ETFB: variants seen among roughly 807,000 people sequenced by gnomAD.
ETFB encodes electron transfer flavoprotein subunit beta.
In ETFB, 20 loss-of-function variants were observed where a neutral mutation model predicts 25.6. The observed-to-expected ratio is 0.78, with a 90% CI of 0.55 to 1.14. The LOEUF is 1.14. Among genes scored for constraint, ETFB ranks in the 50% most tolerant of loss-of-function variants. The pLI, the probability that ETFB is intolerant of heterozygous loss-of-function variation, is 0.00. For missense variants in ETFB, 286 were observed against 342.6 expected (o/e 0.83, Z 1.30); for synonymous variants, 142 against 146.7 (o/e 0.97, Z 0.23).
At chr19:51,355,176 T>C (rs1173114579) in intron 1 of ETFB, 1 of 155,572 alleles carries the variant, frequency 6.4e-6, no homozygotes, top group Non-Finnish European at 1.4e-5. Flanking sequence ...TGGGAGAAAA[T>C]TTTTGCAGCC....
At chr19:51,356,742 A>T (rs369540810) in intron 1 of ETFB, 8 of 152,096 alleles carry the variant, frequency 5.3e-5, no homozygotes, top group East Asian at 3.9e-4. Flanking sequence ...GGTGGCTTAG[A>T]ATCTTACAGC....
chr19:51,352,307 C>CA (rs554308854), intron 3 of ETFB, among the ~76,000 whole-genome samples: 1 of 152,288 alleles, frequency 6.6e-6, no homozygotes, highest in African/African-American at 2.4e-5. Flanking sequence ...CCAAAATTCT[C>CA]AAGTCTTTGT....
chr19:51,353,016 G>T (rs1985965992), intron 3 of ETFB, 116 bp downstream of exon 3: 1 of 1,284,684 alleles, frequency 7.8e-7, no homozygotes, highest in Non-Finnish European at 1.1e-6. Context: ...AAGCTGCTCA[G>T]CCTGGAGTGG....
chr19:51,361,982 G>A (rs1026075336), intron 1 of ETFB, among the ~76,000 whole-genome samples: 9 of 151,992 alleles, frequency 5.9e-5, no homozygotes, highest in African/African-American at 1.9e-4. Context: ...GTTTACAGGC[G>A]TGAGCCACCA....
rs1428088327 is a variant in ETFB, at chr19:51,345,333, C to CA, written c.645dup (p.Val216CysfsTer28). The CA allele has an allele frequency of 3.1e-6, 5 of 1,613,976 alleles. No individual in the cohort carries two copies. Among genetic ancestry groups the CA allele is most frequent in the Non-Finnish European group, 2.5e-6 (3 of 1,180,026 alleles). On this transcript the variant is annotated frameshift_variant, in exon 6 of 6. Transcript: ENST00000309244. LOFTEE classifies it high-confidence loss of function. ...ACAGAGAGCTTGGAGGTCAGGTCCA[C>CA]ACCCAGGTCCCCAGGCTTGATCACC...
intron 3 of ETFB, among the ~76,000 whole-genome samples, chr19:51,351,177 T>C (rs968608715): frequency 1.3e-5 from 2 of 152,146 alleles, no homozygotes; most frequent in African/African-American, 4.8e-5. Context: ...AGCCCAGTGA[T>C]TGGTTCAGGG....
At chr19:51,356,767 G>T (rs1228415411) in intron 1 of ETFB, 2 of 152,234 alleles carry the variant, frequency 1.3e-5, no homozygotes, top group Non-Finnish European at 2.9e-5. Flanking sequence ...GAGGCCAGAA[G>T]TCCAAAGTCA....
intron 4 of ETFB, among the ~76,000 whole-genome samples, chr19:51,349,431 T>G (rs1456519565): frequency 6.6e-6 from 1 of 150,570 alleles, no homozygotes; most frequent in Non-Finnish European, 1.5e-5. Flanking sequence ...TTTAAATTTG[T>G]CTATGTGCCT....
intron 5 of ETFB, chr19:51,346,610 C>T (rs1985788744): frequency 4.9e-6 from 2 of 405,414 alleles, no homozygotes; most frequent in East Asian, 9.6e-5. Context: ...TGAACTTGTT[C>T]CACTGGCTGG....
rs552129362 is a variant in ETFB at position 51,360,069 on chromosome 19, G to A, written c.58-5761C>T. On this transcript the variant is annotated intron_variant, in intron 1 of 5. Transcript: ENST00000309244. ...GGTAAATCATTCAGCATTAAGTGCT[G>A]GCTTTCTCTTAAAGAGACGACATAT... Among the ~76,000 whole-genome samples, 248 of 151,688 alleles carry A rather than the reference G, an allele frequency of 1.6e-3. 1 individual carries two copies. The highest frequency in any genetic ancestry group is 3.0e-3 in the Non-Finnish European group (203 of 67,922).
rs104894678 is a variant in ETFB, at chr19:51,350,385, C to T, written c.382G>A (p.Asp128Asn). ...TGCCCTGTCTGGTTACAGTCATCATCGATGGCCTGAATGGGGAGAGACAGA... is the reference window on the plus strand; with the variant it reads ...TGCCCTGTCTGGTTACAGTCATCATTGATGGCCTGAATGGGGAGAGACAGA... ...DLVLLGKQAI[D>N]DDCNQTGQMT... The change falls in exon 4 of 6, where the codon GAT (aspartate) becomes AAT (asparagine). Residue 128 changes from aspartate (D) to asparagine (N), a missense_variant. Physicochemically the swap from Asp to Asn is conservative, Grantham distance 23 (BLOSUM62 1). Coordinates refer to ENST00000309244, the MANE Select transcript of ETFB (RefSeq NM_001985.3). 18 of 1,502,486 alleles carry T rather than the reference C, an allele frequency of 1.2e-5. No homozygotes were observed. The highest frequency in any genetic ancestry group is 2.7e-5 in the African/African-American group (2 of 72,938). The allele number at this position is 1,502,486 out of a possible 1,614,324, so 93.1% of individuals were successfully genotyped here.
intron 1 of ETFB, chr19:51,356,766 A>G (rs1986089624): frequency 6.6e-6 from 1 of 152,210 alleles, no homozygotes. Flanking sequence ...GGAGGCCAGA[A>G]GTCCAAAGTC....
intron 1 of ETFB, among the ~76,000 whole-genome samples, chr19:51,364,375 C>T (rs74786194): frequency 3.9e-5 from 6 of 152,208 alleles, no homozygotes; most frequent in Admixed American, 1.3e-4. Context: ...TGGGGCACTG[C>T]GGGAGGGGAA....
intron 1 of ETFB, among the ~76,000 whole-genome samples, chr19:51,363,233 G>C (rs182564415): frequency 2.6e-5 from 4 of 152,216 alleles, no homozygotes; most frequent in African/African-American, 9.6e-5. Context: ...AGGTGGATCA[G>C]ACATGGCCCC....
At chr19:51,351,450 C>T (rs1985931574) in intron 3 of ETFB, among the ~76,000 whole-genome samples, 2 of 152,244 alleles carry the variant, frequency 1.3e-5, no homozygotes, top group Non-Finnish European at 2.9e-5. Flanking sequence ...GAATCTGCTT[C>T]CTAGAACAAA....
At position 51,353,149 on chromosome 19, in the gene ETFB, C is replaced by T; in HGVS notation, c.358G>A (p.Val120Met). 6.2e-7 allele frequency: 1 copy of T among 1,614,094 alleles called. No individual in the cohort carries two copies. The highest frequency in any genetic ancestry group is 8.5e-7 in the Non-Finnish European group (1 of 1,179,992). ...KLAEKEKVDL[V>M]LLGKQAIDDD... ...ACAGCTACCTGTTTGCCCAGCAGCACCAGGTCCACCTTCTCCTTCTCTGCC... is the reference window on the plus strand; with the variant it reads ...ACAGCTACCTGTTTGCCCAGCAGCATCAGGTCCACCTTCTCCTTCTCTGCC... Residue 120 changes from valine (V) to methionine (M), a missense_variant, in exon 3 of 6, where the codon GTG becomes ATG. Physicochemically the swap from Val to Met is conservative, Grantham distance 21. Coordinates refer to ENST00000309244, the MANE Select transcript of ETFB (RefSeq NM_001985.3).
intron 1 of ETFB, chr19:51,356,219 C>T (rs1209998425): frequency 2.0e-5 from 3 of 152,036 alleles, no homozygotes; most frequent in Non-Finnish European, 2.9e-5. Context: ...ATTAAACTTT[C>T]GCTCCAACCT....
chr19:51,355,034 C>CAGATAGCTTA (rs1250233161), intron 1 of ETFB: 1 of 226,292 alleles, frequency 4.4e-6, no homozygotes, highest in African/African-American at 2.2e-5. Context: ...GAGAGTTATG[C>CAGATAGCTTA]AGATAGCTTT....
intron 1 of ETFB, among the ~76,000 whole-genome samples, chr19:51,358,752 T>C (rs1383789568): frequency 6.6e-6 from 1 of 151,538 alleles, no homozygotes; most frequent in African/African-American, 2.4e-5. Flanking sequence ...GAGGTTGTAA[T>C]GAGCCAAGAT....
Sources: gnomAD v4.1 joint callset for allele counts (sites outside exome capture counted in the v4.1 genomes callset) on GRCh38, gnomAD v4.1.1 for gene constraint, MANE v1.5 for transcripts, NCBI Gene and HGNC (gene_info 2026-07-23, HGNC 2026-07-21) for gene names.